Variants in PCDH1 observed in about 807,000 individuals in gnomAD.
PCDH1 encodes the protein protocadherin 1, also known as protocadherin-1.
In PCDH1, 23 loss-of-function variants were observed where a neutral mutation model predicts 74.6. The observed-to-expected ratio is 0.31, with a 90% CI of 0.22 to 0.44. The LOEUF is 0.44. Among genes scored for constraint, PCDH1 ranks in the 20% least tolerant of loss-of-function variants. PCDH1 has a pLI of 1.00. For missense variants in PCDH1, 1,214 were observed against 1,641.4 expected (o/e 0.74, Z 4.50); for synonymous variants, 647 against 686.1 (o/e 0.94, Z 0.89).
Position 141,868,502 on chromosome 5 carries a change from C to T in PCDH1, c.903+67G>A. On this transcript the variant is annotated intron_variant, in intron 2 of 4. Transcript: ENST00000287008. This position sits in a 1 kb window ranked among gnomAD's most constrained non-coding sequence, Gnocchi z 4.8. ...TCCCCTAAGTGAAGGGAACTCTCACCTGGTTGGGTGGGCTCCCATTTCTAG... is the reference window on the plus strand; with the variant it reads ...TCCCCTAAGTGAAGGGAACTCTCACTTGGTTGGGTGGGCTCCCATTTCTAG... 6.6e-7 allele frequency: 1 copy of T among 1,509,186 alleles called. No individual in the cohort carries two copies. The highest frequency in any genetic ancestry group is 8.8e-7 in the Non-Finnish European group (1 of 1,130,986). The allele number at this position is 1,509,186 out of a possible 1,614,324, so 93.5% of individuals were successfully genotyped here. A position where few individuals can be genotyped will look rare whatever the true frequency, so the allele number is the denominator to read the frequency against.
chr5:141,876,946 G>T (rs369040480), intron 1 of PCDH1, among the ~76,000 whole-genome samples: 1 of 152,280 alleles, frequency 6.6e-6, no homozygotes, highest in Non-Finnish European at 1.5e-5. Context: ...GGCCAGCCAG[G>T]TCCAGCTTGT....
chr5:141,872,711 G>T (rs182715504), intron 1 of PCDH1, among the ~76,000 whole-genome samples: 1 of 152,258 alleles, frequency 6.6e-6, no homozygotes, highest in Admixed American at 6.5e-5. Flanking sequence ...CTCCCCACAC[G>T]CTCTTTCTCA....
intron 3 of PCDH1, among the ~76,000 whole-genome samples, chr5:141,860,544 C>G (rs1752525249): frequency 1.3e-5 from 2 of 151,504 alleles, no homozygotes; most frequent in South Asian, 2.1e-4. Context: ...CAGGTTCCCC[C>G]TTTTTTGGAG....
intron 3 of PCDH1, among the ~76,000 whole-genome samples, chr5:141,859,074 G>C (rs1229308640): frequency 6.6e-6 from 1 of 152,100 alleles, no homozygotes; most frequent in Non-Finnish European, 1.5e-5. Flanking sequence ...ACACTGAAGG[G>C]TCTGGGTGAT....
rs770818848 is a variant in PCDH1, at chr5:141,868,489, AG to A, written c.903+79del. 1 of 1,505,390 alleles carries A rather than the reference AG, an allele frequency of 6.6e-7. No homozygotes were observed. The highest frequency in any genetic ancestry group is 2.3e-5 in the Admixed American group (1 of 42,654). 93.3% of individuals were successfully genotyped at this position (1,505,390 alleles called of 1,614,324 possible). On this transcript the variant is annotated intron_variant, in intron 2 of 4. Coordinates refer to ENST00000287008, the MANE Select transcript of PCDH1 (RefSeq NM_032420.5). This position sits in a 1 kb window ranked among gnomAD's most constrained non-coding sequence, Gnocchi z 4.8. Reference sequence around the variant, plus strand: ...TTCTGGCAGTTTTTCCCCTAAGTGAAGGGAACTCTCACCTGGTTGGGTGGGC... The same window carrying A: ...TTCTGGCAGTTTTTCCCCTAAGTGAAGGAACTCTCACCTGGTTGGGTGGGC...
At chr5:141,873,602 A>G (rs936032636) in intron 1 of PCDH1, among the ~76,000 whole-genome samples, 7 of 143,028 alleles carry the variant, frequency 4.9e-5, no homozygotes, top group African/African-American at 1.8e-4. Context: ...GCCCGCCACC[A>G]TGCCCAGCTA....
In PCDH1 at chr5:141,854,255, C is replaced by A. The variant is rs1039517729; in HGVS notation, c.3501G>T (p.Ala1167=). 2 of 1,612,156 alleles carry A rather than the reference C, an allele frequency of 1.2e-6. No homozygotes were observed. The highest frequency in any genetic ancestry group is 1.7e-6 in the Non-Finnish European group (2 of 1,179,218). The change falls in exon 5 of 5, where the codon GCG becomes GCT. Residue 1167 remains alanine (A), a synonymous_variant. Coordinates refer to ENST00000287008, the MANE Select transcript of PCDH1 (RefSeq NM_032420.5). ...PYQDRGGQEP[A]GAGSPSPPED... is the part of the protein sequence containing the mutation. ...CCGGGGGGCTGGGGCTGCCGGCGCC[C>A]GCAGGCTCCTGCCCTCCTCGGTCCT...
intron 4 of PCDH1, 79 bp downstream of exon 4, chr5:141,857,173 T>C: frequency 8.5e-7 from 1 of 1,177,128 alleles, no homozygotes; most frequent in Non-Finnish European, 1.2e-6. Flanking sequence ...AATACATAGA[T>C]GATTTGTTTA....
Position 141,865,949 on chromosome 5 carries a change from G to T in PCDH1, c.904-522C>A. The stretch of plus-strand genomic sequence containing the variant: ...GTGATTAAATGTGATATGTTTGTGT[G>T]AGAAGGTATATGTGTTTGTATGTGT... On this transcript the variant is annotated intron_variant, in intron 2 of 4. Coordinates refer to ENST00000287008, the MANE Select transcript of PCDH1 (RefSeq NM_032420.5). The surrounding 1 kb of genome is among the most constrained non-coding windows in gnomAD (Gnocchi z 4.4). 1.6e-6 allele frequency: 1 copy of T among 633,796 alleles called. No homozygotes were observed. The highest frequency in any genetic ancestry group is 2.0e-6 in the Non-Finnish European group (1 of 500,840). The allele number at this position is 633,796 out of a possible 1,614,324, so 39.3% of individuals were successfully genotyped here. A position where few individuals can be genotyped will look rare whatever the true frequency, so the allele number is the denominator to read the frequency against.
Position 141,854,111 on chromosome 5 carries a change from C to A in PCDH1, c.3645G>T (p.Gln1215His). 1 of 1,569,632 alleles carries A rather than the reference C, an allele frequency of 6.4e-7. No individual in the cohort carries two copies. ...TGGCTGCGGGTGGGAAGTCCGAGGT[C>A]TGGGTCAGGGGGATTTCCTCCAAGG... is the stretch of plus-strand genomic sequence containing the variant. ...SATLEEIPLTQTSDFPPAATP... is the reference protein window; with the variant it reads ...SATLEEIPLTHTSDFPPAATP... Residue 1215 changes from glutamine (Q) to histidine (H), a missense_variant, in exon 5 of 5, where the codon CAG becomes CAT. This residue lies in a region of PCDH1 where 194 missense variants were observed against 198.3 expected (regional missense o/e 0.98). Coordinates refer to ENST00000287008, the MANE Select transcript of PCDH1 (RefSeq NM_032420.5).
rs1292637780 is a variant in PCDH1, at chr5:141,878,182, G to T, written c.40+41C>A. On this transcript the variant is annotated intron_variant, in intron 1 of 4. Transcript: ENST00000287008. This position sits in a 1 kb window ranked among gnomAD's most constrained non-coding sequence, Gnocchi z 5.5. ...CTCCCGCCGGCCATGACCGCTTCGGGCCCCAAGCCGCTGCTGCCTCCACCG... is the reference window on the plus strand; with the variant it reads ...CTCCCGCCGGCCATGACCGCTTCGGTCCCCAAGCCGCTGCTGCCTCCACCG... The T allele has an allele frequency of 3.5e-6, 5 of 1,428,070 alleles. No individual in the cohort carries two copies. The highest frequency in any genetic ancestry group is 3.0e-5 in the African/African-American group (2 of 66,992). The allele number at this position is 1,428,070 out of a possible 1,614,324, so 88.5% of individuals were successfully genotyped here.
Position 141,854,305 on chromosome 5 carries a change from T to C in PCDH1, c.3451A>G (p.Lys1151Glu). The C allele has an allele frequency of 6.2e-7, 1 of 1,613,942 alleles. No homozygotes were observed. Among genetic ancestry groups the C allele is most frequent in the South Asian group, 1.1e-5 (1 of 91,064 alleles). ...PSRRTKSSAL[K>E]LSTFVPYQDR... ...TGGTAAGGCACGAAGGTGGAGAGTT[T>C]GAGGGCGCTGCTCTTGGTCCGGCGG... The change falls in exon 5 of 5, where the codon AAA becomes GAA. Residue 1151 changes from lysine (K) to glutamate (E), a missense_variant. Lys to Glu is a moderately conservative substitution (Grantham distance 56, BLOSUM62 1). Around this residue, in one of 4 missense-constraint regions of PCDH1, gnomAD observed 194 missense variants for 198.3 expected, o/e 0.98. Transcript: ENST00000287008.
At position 141,854,110 on chromosome 5, in the gene PCDH1, T is replaced by C. The variant is rs372776472; in HGVS notation, c.3646A>G (p.Thr1216Ala). The change falls in exon 5 of 5, where the codon ACC (threonine) becomes GCC (alanine). Residue 1216 changes from threonine (T) to alanine (A), a missense_variant. Thr to Ala is a moderately conservative substitution (Grantham distance 58). Around this residue, in one of 4 missense-constraint regions of PCDH1, gnomAD observed 194 missense variants for 198.3 expected, o/e 0.98. Transcript: ENST00000287008. ...ATLEEIPLTQ[T>A]SDFPPAATPA... Reference sequence around the variant, plus strand: ...GTGGCTGCGGGTGGGAAGTCCGAGGTCTGGGTCAGGGGGATTTCCTCCAAG... The same window carrying C: ...GTGGCTGCGGGTGGGAAGTCCGAGGCCTGGGTCAGGGGGATTTCCTCCAAG... 3.8e-6 allele frequency: 6 copies of C among 1,568,200 alleles called. No individual in the cohort carries two copies. The highest frequency in any genetic ancestry group is 1.4e-5 in the African/African-American group (1 of 73,712).
At chr5:141,856,717 A>G (rs1360803434) in intron 4 of PCDH1, among the ~76,000 whole-genome samples, 3 of 151,996 alleles carry the variant, frequency 2.0e-5, no homozygotes, top group Non-Finnish European at 4.4e-5. Flanking sequence ...TCTTCCTCAA[A>G]GAGGTGCCAA....
chr5:141,876,043 G>A (rs986842510), intron 1 of PCDH1, among the ~76,000 whole-genome samples: 1 of 152,214 alleles, frequency 6.6e-6, no homozygotes, highest in South Asian at 2.1e-4. Context: ...GCCCCAGTCC[G>A]CACCGCCTTG....
chr5:141,863,313 G>C lies in PCDH1; in HGVS notation c.3018C>G (p.Thr1006=). The C allele has an allele frequency of 6.4e-7, 1 of 1,556,780 alleles. No individual in the cohort carries two copies. The highest frequency in any genetic ancestry group is 1.7e-4 in the Middle Eastern group (1 of 5,774). The change falls in exon 3 of 5, where the codon ACC becomes ACG. Residue 1006 remains threonine (T), a synonymous_variant. Coordinates refer to ENST00000287008, the MANE Select transcript of PCDH1 (RefSeq NM_032420.5). This position sits in a 1 kb window ranked among gnomAD's most constrained non-coding sequence, Gnocchi z 7.5. ...DLPPANTFVG[T]GDTTSTGSEQ... is the part of the protein sequence containing the mutation. ...CAGAGCCCGTGGACGTGGTGTCCCC[G>C]GTGCCCACGAATGTGTTTGCAGGTG...
rs776561054 is a variant in PCDH1 at position 141,869,572 on chromosome 5, C to T, written c.41-141G>A. On this transcript the variant is annotated intron_variant, in intron 1 of 4. Coordinates refer to ENST00000287008, the MANE Select transcript of PCDH1 (RefSeq NM_032420.5). The surrounding 1 kb of genome is among the most constrained non-coding windows in gnomAD (Gnocchi z 4.9). Reference sequence around the variant, plus strand: ...GAGCAGTCAGTCCCAGCACAGAACCCCGATTCCAGAAACTCAGATCCCTGA... The same window carrying T: ...GAGCAGTCAGTCCCAGCACAGAACCTCGATTCCAGAAACTCAGATCCCTGA... 2.3e-5 allele frequency: 35 copies of T among 1,535,578 alleles called. No homozygotes were observed. The South Asian group carries it at 4.0e-4, about 17-fold the overall frequency.
chr5:141,869,633 C>T lies in PCDH1; in HGVS notation c.41-202G>A. 1.3e-6 allele frequency: 2 copies of T among 1,533,932 alleles called. No homozygotes were observed. Among genetic ancestry groups the T allele is most frequent in the Non-Finnish European group, 1.7e-6 (2 of 1,146,230 alleles). ...CAGCTGGGTGTAGCAGCAGTGTCTG[C>T]CCCAGCTGGAGGAGCCAGTAAGAGG... On this transcript the variant is annotated intron_variant, in intron 1 of 4. Coordinates refer to ENST00000287008, the MANE Select transcript of PCDH1 (RefSeq NM_032420.5). This position sits in a 1 kb window ranked among gnomAD's most constrained non-coding sequence, Gnocchi z 4.9.
Position 141,864,824 on chromosome 5 carries a change from C to A in PCDH1, c.1507G>T (p.Ala503Ser). 1 of 1,614,142 alleles carries A rather than the reference C, an allele frequency of 6.2e-7. No homozygotes were observed. The highest frequency in any genetic ancestry group is 8.5e-7 in the Non-Finnish European group (1 of 1,180,014). The change falls in exon 3 of 5, where the codon GCA becomes TCA. Residue 503 changes from alanine to serine, a missense_variant. Transcript: ENST00000287008. The surrounding 1 kb of genome is among the most constrained non-coding windows in gnomAD (Gnocchi z 5.9). ...KVQVVDVNDN[A>S]PVFTQSVTEV... ...GTGACACTCTGAGTGAAGACAGGTG[C>A]GTTGTCATTGACGTCCACCACCTGC...
Sources: allele counts gnomAD v4.1 joint callset (sites outside exome capture counted in the v4.1 genomes callset), GRCh38; gene constraint gnomAD v4.1.1; regional missense constraint gnomAD v4.1.1; non-coding constraint Gnocchi (gnomAD v3.1); transcripts MANE v1.5; gene names NCBI Gene and HGNC (gene_info 2026-07-23, HGNC 2026-07-21).